Variants in EPHA3 observed in about 807,000 individuals in gnomAD.
EPHA3 encodes the protein ephrin type-A receptor 3.
A neutral mutation model predicts 107.1 loss-of-function variants in EPHA3; 42 were observed. That is an observed-to-expected ratio of 0.39 (90% CI 0.31 to 0.51). The LOEUF is 0.51. Among genes scored for constraint, EPHA3 ranks in the 20% least tolerant of loss-of-function variants. EPHA3 has a pLI of 0.78. For synonymous variants in EPHA3, 461 were observed against 424.8 expected, an observed-to-expected ratio of 1.09 and a Z score of -1.05; for missense variants, 1,183 against 1,211.2, an observed-to-expected ratio of 0.98 and a Z score of 0.35.
chr3:89,396,958 C>T (rs1411192491), intron 6 of EPHA3, among the ~76,000 whole-genome samples: 1 of 152,122 alleles, frequency 6.6e-6, no homozygotes, highest in Non-Finnish European at 1.5e-5. Flanking sequence ...AAATATTAGG[C>T]ATCTGTTTTG....
intron 3 of EPHA3, among the ~76,000 whole-genome samples, chr3:89,339,201 T>C (rs1707460347): frequency 6.6e-6 from 1 of 151,758 alleles, no homozygotes. Context: ...TGAAACTCTG[T>C]CTCTACTAAA....
intron 3 of EPHA3, among the ~76,000 whole-genome samples, chr3:89,261,872 C>A (rs1705425079): frequency 6.6e-6 from 1 of 150,406 alleles, no homozygotes; most frequent in Non-Finnish European, 1.5e-5. Flanking sequence ...ATGGCAAAAA[C>A]CGCAATGAAT....
At chr3:89,459,823 C>A (rs2107564813) in intron 15 of EPHA3, among the ~76,000 whole-genome samples, 1 of 152,078 alleles carries the variant, frequency 6.6e-6, no homozygotes. Context: ...ACATCCAGCC[C>A]AAAGGGATGT....
intron 2 of EPHA3, among the ~76,000 whole-genome samples, chr3:89,190,363 C>A (rs1705680422): frequency 6.6e-6 from 1 of 152,172 alleles, no homozygotes; most frequent in Non-Finnish European, 1.5e-5. Flanking sequence ...ATGAATCAGT[C>A]ATTTCAGAGA....
chr3:89,371,452 A>T (rs1050688908), intron 5 of EPHA3, among the ~76,000 whole-genome samples: 22 of 151,714 alleles, frequency 1.5e-4, no homozygotes, highest in Non-Finnish European at 3.0e-4. Context: ...TGAAGAAGAG[A>T]TGATACAAGG....
chr3:89,408,818 A>G (rs1391927268), intron 9 of EPHA3, among the ~76,000 whole-genome samples: 2 of 152,120 alleles, frequency 1.3e-5, no homozygotes, highest in Non-Finnish European at 2.9e-5. Context: ...TAGCTTAAAT[A>G]GCATGTTCTC....
At chr3:89,352,614 C>T (rs1228307671) in intron 5 of EPHA3, among the ~76,000 whole-genome samples, 1 of 150,846 alleles carries the variant, frequency 6.6e-6, no homozygotes, top group African/African-American at 2.4e-5. Context: ...AATTTAGAAT[C>T]CACACTAGGC....
At chr3:89,112,454 T>G (rs1435482017) in intron 1 of EPHA3, among the ~76,000 whole-genome samples, 3 of 152,040 alleles carry the variant, frequency 2.0e-5, no homozygotes, top group African/African-American at 7.2e-5. Flanking sequence ...TCCTTAAGGG[T>G]CCGACCATTT....
At chr3:89,407,410 T>C in intron 8 of EPHA3, 39 bp downstream of exon 8, 1 of 1,503,868 alleles carries the variant, frequency 6.6e-7, no homozygotes, top group South Asian at 1.1e-5. Context: ...CTTTCTTTGT[T>C]GCTTTGTTTG....
chr3:89,417,218 A>C (rs2107525348), intron 10 of EPHA3, among the ~76,000 whole-genome samples: 1 of 151,636 alleles, frequency 6.6e-6, no homozygotes, highest in African/African-American at 2.4e-5. Flanking sequence ...AGGAAAAGAT[A>C]GGTACAGAGA....
At chr3:89,168,997 T>A (rs1296929735) in intron 2 of EPHA3, among the ~76,000 whole-genome samples, 2 of 152,274 alleles carry the variant, frequency 1.3e-5, no homozygotes, top group South Asian at 2.1e-4. Context: ...ACACAATATA[T>A]TCGCATTTTT....
At chr3:89,374,670 G>T (rs1708368569) in intron 5 of EPHA3, among the ~76,000 whole-genome samples, 1 of 151,592 alleles carries the variant, frequency 6.6e-6, no homozygotes, top group South Asian at 2.1e-4. Flanking sequence ...CATTGGTCTG[G>T]TCTGCATTAG....
At chr3:89,293,622 A>G (rs1259530715) in intron 3 of EPHA3, among the ~76,000 whole-genome samples, 2 of 152,120 alleles carry the variant, frequency 1.3e-5, no homozygotes, top group Admixed American at 1.3e-4. Context: ...TCTCATGATA[A>G]TGAGTGAGTT....
chr3:89,179,906 A>T (rs1316663378), intron 2 of EPHA3, among the ~76,000 whole-genome samples: 1 of 151,478 alleles, frequency 6.6e-6, no homozygotes, highest in Non-Finnish European at 1.5e-5. Flanking sequence ...GCATGAAATC[A>T]GTGTCTCACT....
chr3:89,283,617 T>C (rs1248298321), intron 3 of EPHA3, among the ~76,000 whole-genome samples: 3 of 152,142 alleles, frequency 2.0e-5, no homozygotes, highest in African/African-American at 4.8e-5. Flanking sequence ...AGAAGCAAAG[T>C]AACTGAAGGA....
chr3:89,417,284 G>A (rs1395058485), intron 10 of EPHA3, among the ~76,000 whole-genome samples: 5 of 151,562 alleles, frequency 3.3e-5, no homozygotes, highest in Non-Finnish European at 7.4e-5. Flanking sequence ...AATTGGACCC[G>A]AAGCAATTCG....
At chr3:89,367,771 A>T (rs1037511491) in intron 5 of EPHA3, among the ~76,000 whole-genome samples, 5 of 150,670 alleles carry the variant, frequency 3.3e-5, no homozygotes, top group African/African-American at 9.7e-5. Context: ...TGTGTTTAAA[A>T]TTTTTTAATT....
intron 3 of EPHA3, among the ~76,000 whole-genome samples, chr3:89,250,027 A>G (rs1705125443): frequency 6.6e-6 from 1 of 152,138 alleles, no homozygotes; most frequent in Non-Finnish European, 1.5e-5. Context: ...TCCTAACCAA[A>G]AAATGTGGGG....
At chr3:89,390,871 T>G (rs1437172249) in intron 5 of EPHA3, among the ~76,000 whole-genome samples, 1 of 150,314 alleles carries the variant, frequency 6.7e-6, no homozygotes, top group East Asian at 2.0e-4. Context: ...ACTTGCAACC[T>G]CCGCCTCCCG....
Sources: allele counts gnomAD v4.1 joint callset (sites outside exome capture counted in the v4.1 genomes callset), GRCh38; gene constraint gnomAD v4.1.1; transcripts MANE v1.5; gene names NCBI Gene and HGNC (gene_info 2026-07-23, HGNC 2026-07-21).